TLL1: variants seen among roughly 807,000 people sequenced by gnomAD.
TLL1 encodes the protein tolloid-like protein 1.
TLL1 carries 49 observed loss-of-function variants against 128.2 expected under a neutral mutation model. The ratio of observed to expected loss-of-function variants is 0.38; its 90% CI spans 0.30 to 0.48. The LOEUF (loss-of-function observed/expected upper bound fraction) is 0.48. Ranked by LOEUF, TLL1 falls within the 20% of genes least tolerant of loss-of-function variation. TLL1 has a pLI of 0.96. For missense variants in TLL1, 1,123 were observed against 1,242.0 expected (o/e 0.90, Z 1.44); for synonymous variants, 454 against 418.8 (o/e 1.08, Z -1.03).
intron 13 of TLL1, 38 bp downstream of exon 13, chr4:166,055,309 A>G: frequency 6.4e-7 from 1 of 1,574,530 alleles, no homozygotes. Flanking sequence ...GATTTTCTTT[A>G]TCAAGGATAC....
chr4:166,081,498 T>A (rs1197149785), intron 18 of TLL1, among the ~76,000 whole-genome samples: 2 of 152,174 alleles, frequency 1.3e-5, no homozygotes, highest in Non-Finnish European at 2.9e-5. Context: ...GATCTGTAAG[T>A]GTGTGCAAGC....
At chr4:166,010,441 CTTTA>C (rs146626571) in intron 7 of TLL1, among the ~76,000 whole-genome samples, 1,804 of 150,974 alleles carry the variant, frequency 0.012, 45 homozygotes, top group African/African-American at 0.04. Flanking sequence ...TTGGAGAAAT[CTTTA>C]TTTAAGTCCT....
chr4:166,038,362 A>C (rs964820418), intron 9 of TLL1, among the ~76,000 whole-genome samples: 7 of 152,078 alleles, frequency 4.6e-5, no homozygotes, highest in Non-Finnish European at 8.8e-5. Flanking sequence ...GAGCATTTGG[A>C]ATACTCAACA....
chr4:165,880,270 G>A (rs966078732), intron 1 of TLL1, among the ~76,000 whole-genome samples: 1 of 152,160 alleles, frequency 6.6e-6, no homozygotes. Flanking sequence ...TATAGAATGT[G>A]TGCTAATCCT....
rs184677951 is a variant in TLL1 at position 165,902,421 on chromosome 4, G to A, written c.169+28348G>A. 3.3e-5 allele frequency among the ~76,000 whole-genome samples: 5 copies of A among 152,336 alleles called. No individual in the cohort carries two copies. The East Asian group carries it at 9.6e-4, about 29-fold the overall frequency. ...GGGCCCTTGTGGTGTAGGCACCTGA[G>A]GGAATCTTCTGATCTGCAGGTAGGC... On this transcript the variant is annotated intron_variant, in intron 1 of 20. Transcript: ENST00000061240.
chr4:166,100,709 G>A, intron 20 of TLL1, 33 bp from the exon 21 acceptor site: 1 of 1,611,748 alleles, frequency 6.2e-7, no homozygotes. Flanking sequence ...TTTATTGCTT[G>A]TTTACTTGCT....
At chr4:165,990,773 A>T (rs1004891022) in intron 2 of TLL1, among the ~76,000 whole-genome samples, 2 of 152,200 alleles carry the variant, frequency 1.3e-5, no homozygotes, top group Non-Finnish European at 2.9e-5. Flanking sequence ...AGTAGGGAGT[A>T]TGTAAGAGAA....
At chr4:166,044,354 T>C (rs1479676607) in intron 12 of TLL1, 17 of 1,535,524 alleles carry the variant, frequency 1.1e-5, no homozygotes, top group Non-Finnish European at 1.4e-5. Flanking sequence ...GTTGTGTGTC[T>C]GTACCTGCAG....
chr4:165,952,926 T>C (rs1311026729), intron 1 of TLL1, among the ~76,000 whole-genome samples: 1 of 152,186 alleles, frequency 6.6e-6, no homozygotes, highest in Non-Finnish European at 1.5e-5. Context: ...TATATAGATT[T>C]CATTGCTGAC....
intron 9 of TLL1, among the ~76,000 whole-genome samples, chr4:166,036,611 T>G (rs1739013323): frequency 6.6e-6 from 1 of 152,142 alleles, no homozygotes; most frequent in Non-Finnish European, 1.5e-5. Flanking sequence ...ATGTCTATAA[T>G]CAGAGCCCTA....
intron 8 of TLL1, among the ~76,000 whole-genome samples, chr4:166,022,635 C>T (rs76349545): frequency 0.017 from 2,662 of 152,222 alleles, 88 homozygotes; most frequent in African/African-American, 0.06. Context: ...AGACATTAGA[C>T]AGCAAAAATA....
At chr4:166,012,339 A>C (rs1375525515) in intron 7 of TLL1, among the ~76,000 whole-genome samples, 1 of 151,594 alleles carries the variant, frequency 6.6e-6, no homozygotes, top group Non-Finnish European at 1.5e-5. Flanking sequence ...AAAAAGAAGA[A>C]AAGCATGAGT....
intron 7 of TLL1, among the ~76,000 whole-genome samples, chr4:166,010,982 C>T (rs754724286): frequency 6.6e-6 from 1 of 151,044 alleles, no homozygotes; most frequent in African/African-American, 2.4e-5. Flanking sequence ...TTTCTGTGCT[C>T]TCTCTTTTAT....
intron 10 of TLL1, among the ~76,000 whole-genome samples, 169 bp downstream of exon 10, chr4:166,039,610 G>A (rs1460300152): frequency 6.6e-6 from 1 of 151,974 alleles, no homozygotes; most frequent in Non-Finnish European, 1.5e-5. Flanking sequence ...AAAGACAAAT[G>A]GATAAATACA....
At chr4:165,923,751 T>C (rs566624830) in intron 1 of TLL1, among the ~76,000 whole-genome samples, 2 of 152,238 alleles carry the variant, frequency 1.3e-5, no homozygotes, top group East Asian at 3.9e-4. Flanking sequence ...CCTGGTTTTA[T>C]TGCACTTTGC....
intron 12 of TLL1, among the ~76,000 whole-genome samples, chr4:166,048,239 A>G (rs886693804): frequency 3.5e-4 from 30 of 84,894 alleles, no homozygotes; most frequent in Non-Finnish European, 6.2e-4. Flanking sequence ...TCCGTCTCGG[A>G]AAAAAAAAAA....
At chr4:166,052,202 T>A (rs958487024) in intron 12 of TLL1, among the ~76,000 whole-genome samples, 1 of 152,326 alleles carries the variant, frequency 6.6e-6, no homozygotes, top group South Asian at 2.1e-4. Context: ...AATAATAATC[T>A]TCTTAAAATA....
chr4:165,908,113 TG>T (rs1258825628), intron 1 of TLL1, among the ~76,000 whole-genome samples: 1 of 152,240 alleles, frequency 6.6e-6, no homozygotes. Flanking sequence ...ATTTCAAATA[TG>T]TAATTTGATT....
At chr4:166,084,444 CAA>C (rs891858347) in intron 18 of TLL1, among the ~76,000 whole-genome samples, 1 of 151,982 alleles carries the variant, frequency 6.6e-6, no homozygotes, top group African/African-American at 2.4e-5. Flanking sequence ...GAGTGAAATC[CAA>C]AAAGTCATTG....
Sources: allele counts gnomAD v4.1 joint callset (sites outside exome capture counted in the v4.1 genomes callset), GRCh38; gene constraint gnomAD v4.1.1; transcripts MANE v1.5; gene names NCBI Gene and HGNC (gene_info 2026-07-23, HGNC 2026-07-21).